GABBR1: variants seen among roughly 807,000 people sequenced by gnomAD.
GABBR1 encodes gamma-aminobutyric acid type B receptor subunit 1.
GABBR1 carries 35 observed loss-of-function variants against 117.7 expected under a neutral mutation model. The observed-to-expected ratio is 0.30, with a 90% confidence interval of 0.23 to 0.39. The LOEUF (loss-of-function observed/expected upper bound fraction) is 0.39. Among genes scored for constraint, GABBR1 ranks in the 10% least tolerant of loss-of-function variants. The pLI is 1.00. For missense variants in GABBR1, 709 were observed against 1,241.8 expected, an observed-to-expected ratio of 0.57 and a Z score of 6.45; for synonymous variants, 442 against 486.6, an observed-to-expected ratio of 0.91 and a Z score of 1.21.
rs2127385329 is a variant in GABBR1 at position 29,603,555 on chromosome 6, C to T, written c.2874G>A (p.Leu958=). The change falls in exon 23 of 23, where the codon TTG becomes TTA. Residue 958 remains leucine (L), a synonymous_variant. Coordinates refer to ENST00000377034, the MANE Select transcript of GABBR1 (RefSeq NM_001470.4). The stretch of plus-strand genomic sequence containing the variant: ...CCTCACCCTACCCTCACTTATAAAG[C>T]AAATGCACTCGACTCCCATCACAGC... ...RLSCDGSRVH[L]LYK The T allele has an allele frequency of 1.9e-6, 3 of 1,580,204 alleles. No individual in the cohort carries two copies. In the East Asian group the frequency reaches 6.9e-5, roughly 36 times the overall value.
In GABBR1 at chr6:29,631,476, TC is replaced by T. The variant is rs1231267820; in HGVS notation, c.208del (p.Glu70SerfsTer36). The T allele has an allele frequency of 6.2e-7, 1 of 1,613,702 alleles. No individual in the cohort carries two copies. Among genetic ancestry groups the T allele is most frequent in the Non-Finnish European group, 8.5e-7 (1 of 1,179,958 alleles). ...DYEIEYVCRG[E>X]REVVGPKVRK... ...GACCTTGGGCCCCACCACCTCGCGC[TC>T]CCCCCGGCACACATACTCAATCTCA... On this transcript the variant is annotated frameshift_variant, in exon 3 of 23. Transcript: ENST00000377034. LOFTEE classifies it high-confidence loss of function. This position sits in a 1 kb window ranked among gnomAD's most constrained non-coding sequence, Gnocchi z 5.9.
In GABBR1 at chr6:29,607,141, C is replaced by A. The variant is rs754240131; in HGVS notation, c.2070G>T (p.Thr690=). 4.3e-6 allele frequency: 7 copies of A among 1,614,184 alleles called. No homozygotes were observed. Among genetic ancestry groups the A allele is most frequent in the Non-Finnish European group, 5.9e-6 (7 of 1,180,028 alleles). ...SMFTKIWWVH[T]VFTKKEEKKE... is the part of the protein sequence containing the mutation. ...TCTTTTCTTCCTTCTTTGTGAAGACCGTGTGGACCCACCAAATCTTGGTGA... is the reference window on the plus strand; with the variant it reads ...TCTTTTCTTCCTTCTTTGTGAAGACAGTGTGGACCCACCAAATCTTGGTGA... The change falls in exon 17 of 23, where the codon ACG becomes ACT. Residue 690 remains threonine, a synonymous_variant. Coordinates refer to ENST00000377034, the MANE Select transcript of GABBR1 (RefSeq NM_001470.4). The surrounding 1 kb of genome is among the most constrained non-coding windows in gnomAD (Gnocchi z 5.0).
In GABBR1 at chr6:29,632,779, C is replaced by G; in HGVS notation, c.-1+71G>C. The stretch of plus-strand genomic sequence containing the variant: ...GCTTCCCCCAGCTGGGCCCTGCGCC[C>G]ACTGCCCCCTCCCCCACCACGCCGC... On this transcript the variant is annotated intron_variant, in intron 1 of 22. Coordinates refer to ENST00000377034, the MANE Select transcript of GABBR1 (RefSeq NM_001470.4). This position sits in a 1 kb window ranked among gnomAD's most constrained non-coding sequence, Gnocchi z 5.8. 1 of 919,014 alleles carries G rather than the reference C, an allele frequency of 1.1e-6. No individual in the cohort carries two copies. The highest frequency in any genetic ancestry group is 1.8e-5 in the South Asian group (1 of 55,200). 56.9% of individuals were successfully genotyped at this position (919,014 alleles called of 1,614,324 possible). A position where few individuals can be genotyped will look rare whatever the true frequency, so the allele number is the denominator to read the frequency against.
rs1762397232 is a variant in GABBR1, at chr6:29,610,186, C to T, written c.1708+738G>A. Among the ~76,000 whole-genome samples the T allele has an allele frequency of 3.3e-5, 5 of 152,192 alleles. No individual in the cohort carries two copies. The South Asian group carries it at 1.0e-3, about 32-fold the overall frequency. ...AGCCTCCCCTTCATTCTCAAGGAGG[C>T]TTTCTTTTATCAGTAGGTCCTTCCT... On this transcript the variant is annotated intron_variant, in intron 14 of 22. Coordinates refer to ENST00000377034, the MANE Select transcript of GABBR1 (RefSeq NM_001470.4).
In GABBR1 at chr6:29,609,324, T is replaced by C; in HGVS notation, c.1764A>G (p.Ser588=). ...CTGAGACGGAGATAAAGAGTTTCTG[T>C]GACAGGAAGCGGAATGTCTTGATGA... ...TLVIKTFRFL[S]QKLFISVSVL... is the part of the protein sequence containing the mutation. Residue 588 remains serine (S), a synonymous_variant, in exon 15 of 23, where the codon TCA becomes TCG. Coordinates refer to ENST00000377034, the MANE Select transcript of GABBR1 (RefSeq NM_001470.4). The surrounding 1 kb of genome is among the most constrained non-coding windows in gnomAD (Gnocchi z 4.3). 1 of 1,612,868 alleles carries C rather than the reference T, an allele frequency of 6.2e-7. No homozygotes were observed. The highest frequency in any genetic ancestry group is 8.5e-7 in the Non-Finnish European group (1 of 1,179,994).
At position 29,632,332 on chromosome 6, in the gene GABBR1, G is replaced by A. The variant is rs76697750; in HGVS notation, c.54C>T (p.Gly18=). The change falls in exon 2 of 23, where the codon GGC becomes GGT. Residue 18 remains glycine, a synonymous_variant. Transcript: ENST00000377034. The surrounding 1 kb of genome is among the most constrained non-coding windows in gnomAD (Gnocchi z 5.8). ...APLFLRPPGA[G]GAQTPNATSE... is the part of the protein sequence containing the mutation. ...AGGTGGCGTTGGGGGTCTGCGCCCC[G>A]CCCGCGCCCGGGGGGCGGAGGAAGA... 12 of 1,369,080 alleles carry A rather than the reference G, an allele frequency of 8.8e-6. No individual in the cohort carries two copies. In the African/African-American group the frequency reaches 1.4e-4, roughly 16 times the overall value. The allele number at this position is 1,369,080 out of a possible 1,614,324, so 84.8% of individuals were successfully genotyped here.
intron 11 of GABBR1, among the ~76,000 whole-genome samples, chr6:29,619,391 T>C (rs1015261814): frequency 6.6e-6 from 1 of 152,238 alleles, no homozygotes; most frequent in African/African-American, 2.4e-5. Context: ...CTGGTCCCAC[T>C]GGAAGCCCTA....
At chr6:29,629,249 T>C in intron 4 of GABBR1, 142 bp from the exon 5 acceptor site, 1 of 911,520 alleles carries the variant, frequency 1.1e-6, no homozygotes, top group Non-Finnish European at 1.8e-6. Flanking sequence ...GGAGGGTGCC[T>C]GGGGATAAGA....
At position 29,606,560 on chromosome 6, in the gene GABBR1, C is replaced by A; in HGVS notation, c.2218-76G>T. 1 of 1,018,822 alleles carries A rather than the reference C, an allele frequency of 9.8e-7. No individual in the cohort carries two copies. The highest frequency in any genetic ancestry group is 1.3e-5 in the South Asian group (1 of 78,682). The allele number at this position is 1,018,822 out of a possible 1,614,324, so 63.1% of individuals were successfully genotyped here. A position where few individuals can be genotyped will look rare whatever the true frequency, so the allele number is the denominator to read the frequency against. On this transcript the variant is annotated intron_variant, in intron 18 of 22. Transcript: ENST00000377034. This position sits in a 1 kb window ranked among gnomAD's most constrained non-coding sequence, Gnocchi z 4.5. Reference sequence around the variant, plus strand: ...CTCCTCAACGCTTCTCAGTCTCTGGCTTCCAACTGTTTTCCTATGAGACCC... The same window carrying A: ...CTCCTCAACGCTTCTCAGTCTCTGGATTCCAACTGTTTTCCTATGAGACCC...
intron 5 of GABBR1, 141 bp downstream of exon 5, chr6:29,628,946 G>T: frequency 1.2e-6 from 1 of 866,616 alleles, no homozygotes. Flanking sequence ...GAGGGAAGGG[G>T]GTGGCCGCAA....
In GABBR1 at chr6:29,623,219, G is replaced by T; in HGVS notation, c.963+86C>A. 1.7e-6 allele frequency: 2 copies of T among 1,186,358 alleles called. No homozygotes were observed. The highest frequency in any genetic ancestry group is 2.4e-6 in the Non-Finnish European group (2 of 832,130). The allele number at this position is 1,186,358 out of a possible 1,614,324, so 73.5% of individuals were successfully genotyped here. A position where few individuals can be genotyped will look rare whatever the true frequency, so the allele number is the denominator to read the frequency against. ...TCTTTCAATGAAGAATCAAGTTCTT[G>T]CCCCTAAAAGTGACTCTCACGTCAC... On this transcript the variant is annotated intron_variant, in intron 8 of 22. Coordinates refer to ENST00000377034, the MANE Select transcript of GABBR1 (RefSeq NM_001470.4). This position sits in a 1 kb window ranked among gnomAD's most constrained non-coding sequence, Gnocchi z 6.2.
chr6:29,608,573 G>T, intron 16 of GABBR1, 28 bp downstream of exon 16: 4 of 1,608,790 alleles, frequency 2.5e-6, no homozygotes, highest in East Asian at 2.2e-5. Context: ...GTCACATCCT[G>T]TAAGGAATTT....
chr6:29,608,462 T>C, intron 16 of GABBR1, 139 bp downstream of exon 16: 1 of 819,210 alleles, frequency 1.2e-6, no homozygotes, highest in Non-Finnish European at 1.9e-6. Flanking sequence ...AACAGAGGGG[T>C]GATGCTAGAA....
At chr6:29,614,024 C>A (rs1303245976) in intron 11 of GABBR1, among the ~76,000 whole-genome samples, 1 of 152,222 alleles carries the variant, frequency 6.6e-6, no homozygotes, top group Non-Finnish European at 1.5e-5. Flanking sequence ...TTCACTGCCT[C>A]TTAGAAGGCT....
At position 29,602,739 on chromosome 6, in the gene GABBR1, A is replaced by C. The variant is rs1054856065; in HGVS notation, c.*804T>G. On this transcript the variant is annotated 3_prime_UTR_variant, in exon 23 of 23. Transcript: ENST00000377034. The stretch of plus-strand genomic sequence containing the variant: ...CATGGATAAACATGGACGTGTGCAA[A>C]TAGGAAAGACATGACTCAGCATGCT... The C allele has an allele frequency of 2.9e-6, 1 of 340,682 alleles. No individual in the cohort carries two copies. Among genetic ancestry groups the C allele is most frequent in the Non-Finnish European group, 5.7e-6 (1 of 174,432 alleles). The allele number at this position is 340,682 out of a possible 1,614,324, so 21.1% of individuals were successfully genotyped here.
Position 29,627,603 on chromosome 6 carries a change from C to A in GABBR1, c.540G>T (p.Gly180=), listed in dbSNP as rs750394795. 18 of 1,570,698 alleles carry A rather than the reference C, an allele frequency of 1.1e-5. No homozygotes were observed. Among genetic ancestry groups the A allele is most frequent in the Non-Finnish European group, 1.5e-5 (17 of 1,160,166 alleles). Reference sequence around the variant, plus strand: ...GGCAGGCCTGGCCCCCTGGCCAGCCCCCGCTCATGGGAAACAGTGCCCCGA... The same window carrying A: ...GGCAGGCCTGGCCCCCTGGCCAGCCACCGCTCATGGGAAACAGTGCCCCGA... The part of the protein sequence containing the change: ...VYIGALFPMS[G]GWPGGQACQP... Residue 180 remains glycine, a synonymous_variant, in exon 6 of 23, where the codon GGG becomes GGT. Coordinates refer to ENST00000377034, the MANE Select transcript of GABBR1 (RefSeq NM_001470.4). The surrounding 1 kb of genome is among the most constrained non-coding windows in gnomAD (Gnocchi z 4.4).
In GABBR1 at chr6:29,623,675, T is replaced by A. The variant is rs938972964; in HGVS notation, c.793-200A>T. On this transcript the variant is annotated intron_variant, in intron 7 of 22. Transcript: ENST00000377034. The surrounding 1 kb of genome is among the most constrained non-coding windows in gnomAD (Gnocchi z 6.2). ...CACAACCGGGATGCTCTTTCACTGA[T>A]CTAATTTCAATTCCTTCTGAAGAAG... is the stretch of plus-strand genomic sequence containing the variant. Among the ~76,000 whole-genome samples the A allele has an allele frequency of 1.3e-5, 2 of 152,086 alleles. No individual in the cohort carries two copies. Among genetic ancestry groups the A allele is most frequent in the African/African-American group, 4.8e-5 (2 of 41,426 alleles).
rs1351040646 is a variant in GABBR1, at chr6:29,632,013, G to C, written c.85+288C>G. Among the ~76,000 whole-genome samples the C allele has an allele frequency of 2.0e-5, 3 of 152,110 alleles. No homozygotes were observed. The East Asian group carries it at 5.8e-4, about 29-fold the overall frequency. On this transcript the variant is annotated intron_variant, in intron 2 of 22. Transcript: ENST00000377034. This position sits in a 1 kb window ranked among gnomAD's most constrained non-coding sequence, Gnocchi z 5.8. ...GGACAGCAAAGTGGGACCAAGAAAA[G>C]GGAGTAATTGAGGTAGTAATGTGGG...
At position 29,613,407 on chromosome 6, in the gene GABBR1, G is replaced by T; in HGVS notation, c.1402C>A (p.Pro468Thr). ...GCCCAGATGGCATCATAGGCCAGCG[G>T]TGCCTCCTGGAAGCCTCCTGTCTCC... ...PEETGGFQEA[P>T]LAYDAIWALA... The change falls in exon 12 of 23, where the codon CCG becomes ACG. Residue 468 changes from proline to threonine, a missense_variant. Pro to Thr is a conservative substitution (Grantham distance 38). Around this residue, in one of 9 missense-constraint regions of GABBR1, gnomAD observed 192 missense variants for 418.4 expected, o/e 0.46. Transcript: ENST00000377034. This position sits in a 1 kb window ranked among gnomAD's most constrained non-coding sequence, Gnocchi z 4.1. The T allele has an allele frequency of 1.2e-6, 2 of 1,613,146 alleles. No homozygotes were observed. Among genetic ancestry groups the T allele is most frequent in the Non-Finnish European group, 1.7e-6 (2 of 1,180,054 alleles).
Sources: gnomAD v4.1 joint callset for allele counts (sites outside exome capture counted in the v4.1 genomes callset) on GRCh38, gnomAD v4.1.1 for gene constraint, gnomAD v4.1.1 regional missense constraint, Gnocchi (gnomAD v3.1) non-coding constraint, MANE v1.5 for transcripts, NCBI Gene and HGNC (gene_info 2026-07-23, HGNC 2026-07-21) for gene names.